The following IQCH variants were observed in gnomAD, a reference collection of about 807,000 sequenced individuals.
The protein encoded by IQCH is IQ domain-containing protein H.
IQCH carries 98 observed loss-of-function variants against 117.0 expected under a neutral mutation model. That is an observed-to-expected ratio of 0.84 (90% CI 0.71 to 0.99). The LOEUF is 0.99. Ranked by LOEUF, IQCH falls within the 50% of genes least tolerant of loss-of-function variation. IQCH has a pLI of 0.00. For synonymous variants in IQCH, 412 were observed against 448.2 expected (o/e 0.92, Z 1.02); for missense variants, 1,102 against 1,243.8 (o/e 0.89, Z 1.72).
At position 67,325,649 on chromosome 15, in the gene IQCH, C is replaced by T. The variant is rs185210476; in HGVS notation, c.388-11326C>T. On this transcript the variant is annotated intron_variant, in intron 4 of 20. Transcript: ENST00000335894. ...ATCCTAAATAGTGCATCATGAGTCT[C>T]TTCAAAACAAGAAATATTCTGCATA... Among the ~76,000 whole-genome samples, 96 of 152,142 alleles carry T rather than the reference C, an allele frequency of 6.3e-4. 1 individual carries two copies. Among genetic ancestry groups the T allele is most frequent in the Admixed American group, 4.3e-3 (65 of 15,290 alleles).
In IQCH at chr15:67,373,729, C is replaced by T. The variant is rs182969162; in HGVS notation, c.1372+296C>T. Reference sequence around the variant, plus strand: ...AAAGTTGTATTTTTCCCCGAAATAACAGATAATGTTTTCGATCTTCTTTAA... The same window carrying T: ...AAAGTTGTATTTTTCCCCGAAATAATAGATAATGTTTTCGATCTTCTTTAA... On this transcript the variant is annotated intron_variant, in intron 10 of 20. Transcript: ENST00000335894. The T allele has an allele frequency of 3.4e-4, 168 of 497,142 alleles. 1 individual carries two copies. Among genetic ancestry groups the T allele is most frequent in the Admixed American group, 5.7e-4 (16 of 27,870 alleles). 30.8% of individuals were successfully genotyped at this position (497,142 alleles called of 1,614,324 possible).
At chr15:67,290,015 A>C (rs1488900798) in intron 4 of IQCH, among the ~76,000 whole-genome samples, 1 of 152,008 alleles carries the variant, frequency 6.6e-6, no homozygotes, top group East Asian at 1.9e-4. Flanking sequence ...TTTTTTAACA[A>C]CTCTGACTTG....
At position 67,454,331 on chromosome 15, in the gene IQCH, A is replaced by T. The variant is rs1390433930; in HGVS notation, c.2506-10796A>T. Reference sequence around the variant, plus strand: ...CGTCTTCTGCGTCGCTCACGCTGGGAGCTGTAGACCGGAGCTGTTCGTATT... The same window carrying T: ...CGTCTTCTGCGTCGCTCACGCTGGGTGCTGTAGACCGGAGCTGTTCGTATT... On this transcript the variant is annotated intron_variant, in intron 16 of 20. Coordinates refer to ENST00000335894, the MANE Select transcript of IQCH (RefSeq NM_001031715.3). The surrounding 1 kb of genome is among the most constrained non-coding windows in gnomAD (Gnocchi z 5.2). Among the ~76,000 whole-genome samples, 1 of 152,086 alleles carries T rather than the reference A, an allele frequency of 6.6e-6. No individual in the cohort carries two copies. The highest frequency in any genetic ancestry group is 2.4e-5 in the African/African-American group (1 of 41,392).
intron 4 of IQCH, among the ~76,000 whole-genome samples, chr15:67,289,268 G>A (rs904396473): frequency 6.6e-6 from 1 of 152,104 alleles, no homozygotes; most frequent in Admixed American, 6.6e-5. Flanking sequence ...TGAAAAGATT[G>A]TTTTGTCAGC....
chr15:67,389,824 A>G (rs1392104004), intron 12 of IQCH, among the ~76,000 whole-genome samples: 1 of 135,302 alleles, frequency 7.4e-6, no homozygotes, highest in African/African-American at 2.7e-5. Context: ...GGGAACATCT[A>G]TGTGTTGGGT....
chr15:67,354,926 A>G (rs1328271044), intron 6 of IQCH, among the ~76,000 whole-genome samples: 1 of 152,152 alleles, frequency 6.6e-6, no homozygotes, highest in East Asian at 1.9e-4. Flanking sequence ...ATGAAGGGGA[A>G]AATAGTGGTG....
chr15:67,385,435 G>C lies in IQCH; in HGVS notation c.1456+416G>C, dbSNP rs1971078100. Among the ~76,000 whole-genome samples the C allele has an allele frequency of 6.6e-6, 1 of 152,060 alleles. No individual in the cohort carries two copies. Reference sequence around the variant, plus strand: ...ATGAAGCATTGTGTTTTCATAAGAAGAAAAAGGGGAAAATTAAGATAGATT... The same window carrying C: ...ATGAAGCATTGTGTTTTCATAAGAACAAAAAGGGGAAAATTAAGATAGATT... On this transcript the variant is annotated intron_variant, in intron 11 of 20. Transcript: ENST00000335894. The surrounding 1 kb of genome is among the most constrained non-coding windows in gnomAD (Gnocchi z 4.6).
chr15:67,336,672 G>A (rs929376210), intron 4 of IQCH, among the ~76,000 whole-genome samples: 7 of 152,044 alleles, frequency 4.6e-5, no homozygotes, highest in Non-Finnish European at 7.4e-5. Context: ...TTTAGCATTT[G>A]TATATTGTAG....
intron 16 of IQCH, among the ~76,000 whole-genome samples, chr15:67,429,740 A>G (rs1340126085): frequency 6.6e-6 from 1 of 152,166 alleles, no homozygotes; most frequent in Non-Finnish European, 1.5e-5. Context: ...GGGCCCCATA[A>G]TTTACCATGC....
rs1405903223 is a variant in IQCH, at chr15:67,474,226, C to T, written c.2677-1470C>T. On this transcript the variant is annotated intron_variant, in intron 17 of 20. Coordinates refer to ENST00000335894, the MANE Select transcript of IQCH (RefSeq NM_001031715.3). The surrounding 1 kb of genome is among the most constrained non-coding windows in gnomAD (Gnocchi z 4.1). ...GCGAGCCAGAGGCCTGATTATAATGCATGTCAGGTCACTACGATTCCTTAC... is the reference window on the plus strand; with the variant it reads ...GCGAGCCAGAGGCCTGATTATAATGTATGTCAGGTCACTACGATTCCTTAC... Among the ~76,000 whole-genome samples the T allele has an allele frequency of 2.0e-5, 3 of 152,116 alleles. No individual in the cohort carries two copies. The highest frequency in any genetic ancestry group is 7.2e-5 in the African/African-American group (3 of 41,420).
At chr15:67,380,616 G>A (rs895561613) in intron 10 of IQCH, among the ~76,000 whole-genome samples, 1 of 152,166 alleles carries the variant, frequency 6.6e-6, no homozygotes, top group African/African-American at 2.4e-5. Context: ...TATATCATGT[G>A]TCTTCTTATT....
At position 67,395,647 on chromosome 15, in the gene IQCH, C is replaced by A; in HGVS notation, c.1905+84C>A. The A allele has an allele frequency of 8.2e-7, 1 of 1,215,880 alleles. No homozygotes were observed. Among genetic ancestry groups the A allele is most frequent in the Non-Finnish European group, 1.2e-6 (1 of 854,654 alleles). The allele number at this position is 1,215,880 out of a possible 1,614,324, so 75.3% of individuals were successfully genotyped here. On this transcript the variant is annotated intron_variant, in intron 13 of 20. Coordinates refer to ENST00000335894, the MANE Select transcript of IQCH (RefSeq NM_001031715.3). The surrounding 1 kb of genome is among the most constrained non-coding windows in gnomAD (Gnocchi z 4.0). ...GGACAATTTCCAAGTCTTCTGGAGC[C>A]AGACCTACCCAATGAAGAATAGGTG...
chr15:67,362,409 G>C lies in IQCH; in HGVS notation c.753+2524G>C, dbSNP rs117689888. ...AAGAATGGGTTTGGGTGATAACATT[G>C]TAATCTCAAATTTGGGGTCTCACTT... On this transcript the variant is annotated intron_variant, in intron 8 of 20. Transcript: ENST00000335894. Among the ~76,000 whole-genome samples, 99 of 152,154 alleles carry C rather than the reference G, an allele frequency of 6.5e-4. No individual in the cohort carries two copies. In the East Asian group the frequency reaches 0.018, roughly 28 times the overall value.
intron 4 of IQCH, among the ~76,000 whole-genome samples, chr15:67,329,349 A>G (rs1250675823): frequency 1.3e-5 from 2 of 152,102 alleles, no homozygotes; most frequent in African/African-American, 4.8e-5. Context: ...ATGGAAAAAA[A>G]CCCATTCCTG....
rs187974236 is a variant in IQCH, at chr15:67,416,293, G to A, written c.2098-638G>A. Among the ~76,000 whole-genome samples, 783 of 152,026 alleles carry A rather than the reference G, an allele frequency of 5.2e-3. 6 individuals carry two copies. Among genetic ancestry groups the A allele is most frequent in the African/African-American group, 0.018 (745 of 41,490 alleles). On this transcript the variant is annotated intron_variant, in intron 14 of 20. Transcript: ENST00000335894. This position sits in a 1 kb window ranked among gnomAD's most constrained non-coding sequence, Gnocchi z 5.1. ...AGCACTTTGGGAGGCCGAGGCGGGC[G>A]GATCACCTGAGGTCGGGAGTTTGAG...
At chr15:67,285,853 T>C (rs905159599) in intron 4 of IQCH, among the ~76,000 whole-genome samples, 3 of 152,212 alleles carry the variant, frequency 2.0e-5, no homozygotes, top group African/African-American at 4.8e-5. Flanking sequence ...GTAGTATAAT[T>C]TGAAATCAGG....
chr15:67,381,608 T>G lies in IQCH; in HGVS notation c.1373-3328T>G, dbSNP rs572875861. Among the ~76,000 whole-genome samples, 1 of 152,256 alleles carries G rather than the reference T, an allele frequency of 6.6e-6. No homozygotes were observed. The highest frequency in any genetic ancestry group is 6.5e-5 in the Admixed American group (1 of 15,290). On this transcript the variant is annotated intron_variant, in intron 10 of 20. Coordinates refer to ENST00000335894, the MANE Select transcript of IQCH (RefSeq NM_001031715.3). This position sits in a 1 kb window ranked among gnomAD's most constrained non-coding sequence, Gnocchi z 5.1. ...TACCATTCTTTGAATTCTCCAGAAG[T>G]TCTCCAGCTTAGAGACCCAATTTTA...
chr15:67,484,548 G>C (rs1254132867), intron 18 of IQCH, among the ~76,000 whole-genome samples: 2 of 146,564 alleles, frequency 1.4e-5, no homozygotes, highest in Non-Finnish European at 3.0e-5. Context: ...GGTTAGCATG[G>C]TGAAACCCTG....
Position 67,395,578 on chromosome 15 carries a change from C to T in IQCH, c.1905+15C>T. 6.2e-7 allele frequency: 1 copy of T among 1,610,890 alleles called. No individual in the cohort carries two copies. The highest frequency in any genetic ancestry group is 8.5e-7 in the Non-Finnish European group (1 of 1,177,674). On this transcript the variant is annotated intron_variant, in intron 13 of 20. Coordinates refer to ENST00000335894, the MANE Select transcript of IQCH (RefSeq NM_001031715.3). The surrounding 1 kb of genome is among the most constrained non-coding windows in gnomAD (Gnocchi z 4.0). ...GTCAGCAACAGGTATGTGGGGTGGA[C>T]AAGTGAAGCTCTGTTCAAATATTTG...
Sources: gnomAD v4.1 joint callset for allele counts (sites outside exome capture counted in the v4.1 genomes callset) on GRCh38, gnomAD v4.1.1 for gene constraint, Gnocchi (gnomAD v3.1) non-coding constraint, MANE v1.5 for transcripts, NCBI Gene and HGNC (gene_info 2026-07-23, HGNC 2026-07-21) for gene names.